Variants in ARID2 observed in about 807,000 individuals in gnomAD.
The protein encoded by ARID2 is AT-rich interactive domain-containing protein 2.
Under a neutral mutation model 184.6 loss-of-function variants are expected in ARID2, and 32 were observed. That is an observed-to-expected ratio of 0.17 (90% CI 0.13 to 0.23). The LOEUF (loss-of-function observed/expected upper bound fraction) is 0.23. ARID2 is among the 10% of genes least tolerant of loss of function. The pLI is 1.00. For missense variants in ARID2, 1,696 were observed against 2,197.6 expected, an observed-to-expected ratio of 0.77 and a Z score of 4.56; for synonymous variants, 836 against 772.6, an observed-to-expected ratio of 1.08 and a Z score of -1.36.
At chr12:45,782,787 T>A (rs1942120788) in intron 3 of ARID2, among the ~76,000 whole-genome samples, 1 of 151,654 alleles carries the variant, frequency 6.6e-6, no homozygotes, top group South Asian at 2.1e-4. Flanking sequence ...AATGAAGAGA[T>A]AGGAAACCTC....
At chr12:45,742,309 G>A (rs1565578987) in intron 3 of ARID2, among the ~76,000 whole-genome samples, 1 of 152,078 alleles carries the variant, frequency 6.6e-6, no homozygotes, top group African/African-American at 2.4e-5. Flanking sequence ...CAAATATTTA[G>A]CATTGTATTA....
chr12:45,785,583 C>A (rs747696274), intron 3 of ARID2, among the ~76,000 whole-genome samples: 1 of 152,242 alleles, frequency 6.6e-6, no homozygotes. Context: ...GGTTAAGTAT[C>A]CCTAATCCGA....
chr12:45,902,351 TCTTTCTA>T (rs1220238213), intron 20 of ARID2, among the ~76,000 whole-genome samples: 1 of 152,174 alleles, frequency 6.6e-6, no homozygotes, highest in Non-Finnish European at 1.5e-5. Flanking sequence ...TTCAGTTTAT[TCTTTCTA>T]GTTTTATCCA....
chr12:45,860,468 A>G (rs1382557351), intron 15 of ARID2, among the ~76,000 whole-genome samples: 4 of 152,058 alleles, frequency 2.6e-5, no homozygotes, highest in Non-Finnish European at 4.4e-5. Context: ...AGTAAATCCA[A>G]TGGGTACATT....
At chr12:45,782,794 C>T (rs893563426) in intron 3 of ARID2, among the ~76,000 whole-genome samples, 16 of 151,426 alleles carry the variant, frequency 1.1e-4, no homozygotes, top group Non-Finnish European at 2.2e-4. Context: ...AGATAGGAAA[C>T]CTCAGGGAAA....
At chr12:45,808,715 T>C (rs1243863833) in intron 3 of ARID2, among the ~76,000 whole-genome samples, 1 of 151,712 alleles carries the variant, frequency 6.6e-6, no homozygotes, top group Non-Finnish European at 1.5e-5. Flanking sequence ...CCGGCCGTTA[T>C]TAAAAATGTG....
intron 3 of ARID2, among the ~76,000 whole-genome samples, chr12:45,731,747 G>A (rs970570339): frequency 6.6e-5 from 10 of 150,720 alleles, no homozygotes; most frequent in African/African-American, 2.4e-4. Context: ...TTTTTTTAAT[G>A]AAACTTCTTG....
chr12:45,901,435 G>A (rs1004847813), intron 20 of ARID2, among the ~76,000 whole-genome samples: 31 of 151,950 alleles, frequency 2.0e-4, no homozygotes, highest in Admixed American at 1.5e-3. Context: ...CTCCCAAAGT[G>A]CTGGGATTAC....
intron 16 of ARID2, chr12:45,881,725 T>G (rs1944107317): frequency 5.3e-6 from 1 of 187,018 alleles, no homozygotes; most frequent in Non-Finnish European, 1.1e-5. Flanking sequence ...TGCCTGCTCC[T>G]TGCCCTCCTT....
intron 3 of ARID2, among the ~76,000 whole-genome samples, chr12:45,767,481 A>G (rs1312309927): frequency 6.6e-6 from 1 of 152,118 alleles, no homozygotes; most frequent in Non-Finnish European, 1.5e-5. Flanking sequence ...TAATCCTGTA[A>G]GTGAGGAAAT....
chr12:45,783,088 C>A (rs2138041524), intron 3 of ARID2, among the ~76,000 whole-genome samples: 1 of 151,648 alleles, frequency 6.6e-6, no homozygotes, highest in East Asian at 1.9e-4. Flanking sequence ...GAGCCAAGAT[C>A]ACGCCACTTT....
At chr12:45,818,018 T>C (rs558020317) in intron 5 of ARID2, 130 bp downstream of exon 5, 14 of 632,932 alleles carry the variant, frequency 2.2e-5, no homozygotes, top group Non-Finnish European at 3.3e-5. Flanking sequence ...TATTATGCAT[T>C]ATTTAAGATA....
In ARID2 at chr12:45,852,381, G is replaced by C. The variant is rs113143796; in HGVS notation, c.4258G>C (p.Val1420Leu). The change falls in exon 15 of 21, where the codon GTA (valine) becomes CTA (leucine). Residue 1420 changes from valine (V) to leucine (L), a missense_variant. By Grantham distance (32) the Val-to-Leu change is conservative. Coordinates refer to ENST00000334344, the MANE Select transcript of ARID2 (RefSeq NM_152641.4). The stretch of plus-strand genomic sequence containing the variant: ...ACTAGAAAGAATTTCTAATGGACCT[G>C]TATTAACTTTGGGTGGTTCATCTGT... ...DQLERISNGPVLTLGGSSVSS... is the reference protein window; with the variant it reads ...DQLERISNGPLLTLGGSSVSS... The C allele has an allele frequency of 6.2e-7, 1 of 1,614,162 alleles. No individual in the cohort carries two copies. The highest frequency in any genetic ancestry group is 8.5e-7 in the Non-Finnish European group (1 of 1,180,004).
intron 3 of ARID2, among the ~76,000 whole-genome samples, chr12:45,757,406 A>G (rs910006483): frequency 1.3e-5 from 2 of 152,192 alleles, no homozygotes; most frequent in Admixed American, 6.5e-5. Context: ...TAGCATACGT[A>G]TCACTCACAG....
At chr12:45,805,771 G>A (rs1403012071) in intron 3 of ARID2, among the ~76,000 whole-genome samples, 2 of 152,002 alleles carry the variant, frequency 1.3e-5, no homozygotes, top group African/African-American at 2.4e-5. Flanking sequence ...TTGTTTTGTG[G>A]TGAGAACATC....
At chr12:45,890,370 A>T (rs1266148696) in intron 16 of ARID2, among the ~76,000 whole-genome samples, 1 of 152,254 alleles carries the variant, frequency 6.6e-6, no homozygotes, top group East Asian at 1.9e-4. Flanking sequence ...AATAGTGAGT[A>T]GTAGTACATT....
chr12:45,850,380 C>T lies in ARID2; in HGVS notation c.2257C>T (p.Pro753Ser), dbSNP rs2138161405. 6.2e-7 allele frequency: 1 copy of T among 1,614,070 alleles called. No individual in the cohort carries two copies. The highest frequency in any genetic ancestry group is 8.5e-7 in the Non-Finnish European group (1 of 1,179,984). Residue 753 changes from proline to serine, a missense_variant, in exon 15 of 21, where the codon CCT becomes TCT. Transcript: ENST00000334344. ...VVQNHSTGPQ[P>S]VTVVNSQTLL... is the part of the protein sequence containing the mutation. The stretch of plus-strand genomic sequence containing the variant: ...TCAGAATCATAGTACAGGGCCACAA[C>T]CTGTTACAGTTGTGAATTCTCAGAC...
chr12:45,740,321 T>C (rs1941225193), intron 3 of ARID2, among the ~76,000 whole-genome samples: 1 of 152,192 alleles, frequency 6.6e-6, no homozygotes, highest in Non-Finnish European at 1.5e-5. Context: ...TTTTGCTATC[T>C]ATATGTGAAC....
At chr12:45,799,975 G>A (rs1234283982) in intron 3 of ARID2, among the ~76,000 whole-genome samples, 3 of 151,874 alleles carry the variant, frequency 2.0e-5, no homozygotes, top group Non-Finnish European at 1.5e-5. Flanking sequence ...TTAGCCCTCC[G>A]AGTAGCTGGG....
Sources: allele counts gnomAD v4.1 joint callset (sites outside exome capture counted in the v4.1 genomes callset), GRCh38; gene constraint gnomAD v4.1.1; transcripts MANE v1.5; gene names NCBI Gene and HGNC (gene_info 2026-07-23, HGNC 2026-07-21).